WNK1: variants seen among roughly 807,000 people sequenced by gnomAD.
WNK1 encodes the protein serine/threonine-protein kinase WNK1.
In WNK1, 38 loss-of-function variants were observed where a neutral mutation model predicts 222.8. The ratio of observed to expected loss-of-function variants is 0.17; its 90% CI spans 0.13 to 0.22. The LOEUF (loss-of-function observed/expected upper bound fraction) is 0.22. WNK1 is among the 10% of genes least tolerant of loss of function. The probability of loss-of-function intolerance (pLI) is 1.00; values close to 1 mark genes in which losing one functional copy is unlikely to be tolerated. For synonymous variants in WNK1, 1,090 were observed against 1,092.9 expected (o/e 1.00, Z 0.05); for missense variants, 2,348 against 2,918.4 (o/e 0.80, Z 4.50).
chr12:831,343 G>C (rs1369465374), intron 4 of WNK1, among the ~76,000 whole-genome samples: 1 of 151,914 alleles, frequency 6.6e-6, no homozygotes, highest in Non-Finnish European at 1.5e-5. Flanking sequence ...TATGAGACTA[G>C]ACTGGCCAAC....
intron 4 of WNK1, among the ~76,000 whole-genome samples, chr12:843,810 G>A (rs1456184530): frequency 6.6e-6 from 1 of 152,106 alleles, no homozygotes; most frequent in Non-Finnish European, 1.5e-5. Context: ...CCCATTCCAG[G>A]CCTGTTAAAA....
intron 1 of WNK1, among the ~76,000 whole-genome samples, chr12:801,423 T>TTGTG (rs367875366): frequency 0.023 from 3,314 of 143,934 alleles, 60 homozygotes; most frequent in African/African-American, 0.045. Flanking sequence ...CTTTTTTTCT[T>TTGTG]TGTGTGTGTG....
chr12:760,860 A>G (rs537746024), intron 1 of WNK1, among the ~76,000 whole-genome samples: 4 of 144,266 alleles, frequency 2.8e-5, no homozygotes, highest in African/African-American at 9.9e-5. Flanking sequence ...TGAAACCTCC[A>G]CCTCCTGTGT....
At chr12:836,900 AT>A (rs150193188) in intron 4 of WNK1, among the ~76,000 whole-genome samples, 10,392 of 150,144 alleles carry the variant, frequency 0.069, 413 homozygotes, top group African/African-American at 0.088. Context: ...AATCAGAAAT[AT>A]TTTTTTTTTG....
intron 4 of WNK1, among the ~76,000 whole-genome samples, chr12:846,048 G>A (rs190496266): frequency 1.3e-5 from 2 of 152,198 alleles, no homozygotes; most frequent in African/African-American, 4.8e-5. Context: ...CCAAGGTTCT[G>A]TTAACATGAT....
chr12:793,354 G>T (rs1005936215), intron 1 of WNK1, among the ~76,000 whole-genome samples: 2 of 152,170 alleles, frequency 1.3e-5, no homozygotes, highest in African/African-American at 4.8e-5. Flanking sequence ...AGTTAAAAAG[G>T]AGAAAACGTG....
At chr12:845,905 G>A (rs1430519110) in intron 4 of WNK1, among the ~76,000 whole-genome samples, 7 of 152,162 alleles carry the variant, frequency 4.6e-5, no homozygotes, top group Admixed American at 3.3e-4. Flanking sequence ...CTTGCAAAGT[G>A]CTTTACATAT....
intron 11 of WNK1, among the ~76,000 whole-genome samples, chr12:880,502 A>G (rs1953046999): frequency 6.6e-6 from 1 of 152,246 alleles, no homozygotes; most frequent in Non-Finnish European, 1.5e-5. Flanking sequence ...ATAACCGACA[A>G]TAAAGTAGTA....
At chr12:791,073 T>G (rs999672410) in intron 1 of WNK1, among the ~76,000 whole-genome samples, 1 of 152,072 alleles carries the variant, frequency 6.6e-6, no homozygotes, top group Non-Finnish European at 1.5e-5. Flanking sequence ...CAGCTTGATA[T>G]TTGAAAAAGG....
intron 1 of WNK1, among the ~76,000 whole-genome samples, chr12:776,154 C>T (rs1943059885): frequency 1.3e-5 from 2 of 152,138 alleles, no homozygotes; most frequent in South Asian, 4.1e-4. Context: ...CCCCTTTAGC[C>T]TCCCGAGTAG....
intron 4 of WNK1, among the ~76,000 whole-genome samples, chr12:842,207 A>C (rs1949678472): frequency 6.6e-6 from 1 of 152,226 alleles, no homozygotes; most frequent in African/African-American, 2.4e-5. Flanking sequence ...GGTGACCTTC[A>C]GAATTATCCT....
intron 26 of WNK1, among the ~76,000 whole-genome samples, chr12:907,528 G>A (rs1955810307): frequency 6.6e-6 from 1 of 152,174 alleles, no homozygotes; most frequent in Admixed American, 6.5e-5. Context: ...CGTGATGCTG[G>A]GAATAGCGTA....
At chr12:856,181 C>A (rs1239594028) in intron 4 of WNK1, among the ~76,000 whole-genome samples, 4 of 151,818 alleles carry the variant, frequency 2.6e-5, no homozygotes, top group Admixed American at 1.3e-4. Flanking sequence ...GGTATGGTGG[C>A]TCACGCCTGT....
At chr12:849,836 C>A (rs1002907599) in intron 4 of WNK1, among the ~76,000 whole-genome samples, 1 of 148,596 alleles carries the variant, frequency 6.7e-6, no homozygotes, top group Non-Finnish European at 1.5e-5. Flanking sequence ...TTTGTCCTTG[C>A]GATAGTTTGC....
intron 1 of WNK1, among the ~76,000 whole-genome samples, chr12:763,291 C>T (rs575179482): frequency 6.8e-6 from 1 of 147,210 alleles, no homozygotes; most frequent in South Asian, 2.2e-4. Context: ...ATTTAAAAGT[C>T]GTGAATTGTT....
At chr12:815,365 G>A (rs1248814012) in intron 2 of WNK1, among the ~76,000 whole-genome samples, 1 of 152,136 alleles carries the variant, frequency 6.6e-6, no homozygotes, top group Admixed American at 6.5e-5. Flanking sequence ...CCAGATCATT[G>A]GAATACAGTG....
chr12:759,654 C>T (rs1940738561), intron 1 of WNK1, among the ~76,000 whole-genome samples: 1 of 147,630 alleles, frequency 6.8e-6, no homozygotes, highest in African/African-American at 2.4e-5. Flanking sequence ...AAAACCTGGT[C>T]TGCAGGAATA....
intron 22 of WNK1, among the ~76,000 whole-genome samples, chr12:893,717 AGAGGCT>A (rs1346263955): frequency 6.6e-6 from 1 of 150,750 alleles, no homozygotes; most frequent in East Asian, 2.0e-4. Context: ...CAGCTACTCG[AGAGGCT>A]GAGGCAGGAG....
intron 9 of WNK1, among the ~76,000 whole-genome samples, chr12:874,902 G>A (rs912834560): frequency 1.3e-4 from 20 of 152,028 alleles, no homozygotes; most frequent in Admixed American, 4.6e-4. Context: ...AAAAAGGGAA[G>A]AAATTAACAT....
Sources: allele counts gnomAD v4.1 joint callset (sites outside exome capture counted in the v4.1 genomes callset), GRCh38; gene constraint gnomAD v4.1.1; transcripts MANE v1.5; gene names NCBI Gene and HGNC (gene_info 2026-07-23, HGNC 2026-07-21).